Variants in NAA25 observed in about 807,000 individuals in gnomAD.
NAA25 encodes N-terminal acetyltransferase B complex subunit NAA25.
A neutral mutation model predicts 132.5 loss-of-function variants in NAA25; 30 were observed. The observed-to-expected ratio is 0.23, with a 90% confidence interval of 0.17 to 0.31. NAA25 has a LOEUF of 0.31. Ranked by LOEUF, NAA25 falls within the 10% of genes least tolerant of loss-of-function variation. The probability of loss-of-function intolerance (pLI) is 1.00; values close to 1 mark genes in which losing one functional copy is unlikely to be tolerated. For synonymous variants in NAA25, 359 were observed against 401.9 expected (o/e 0.89, Z 1.28); for missense variants, 771 against 1,150.4 (o/e 0.67, Z 4.77).
At chr12:112,057,238 AAT>A (rs1324429831) in intron 13 of NAA25, among the ~76,000 whole-genome samples, 3 of 152,124 alleles carry the variant, frequency 2.0e-5, no homozygotes, top group Non-Finnish European at 2.9e-5. Context: ...AATAAAATAA[AAT>A]AGTTTAATTT....
At chr12:112,037,891 C>T (rs536824668) in intron 22 of NAA25, among the ~76,000 whole-genome samples, 1 of 151,768 alleles carries the variant, frequency 6.6e-6, no homozygotes, top group Admixed American at 6.6e-5. Flanking sequence ...GTTAAGGAAG[C>T]GTTCTAGATT....
rs2078434235 is a variant in NAA25 at position 112,049,715 on chromosome 12, A to G, written c.1729-1272T>C. On this transcript the variant is annotated intron_variant, in intron 15 of 23. Coordinates refer to ENST00000261745, the MANE Select transcript of NAA25 (RefSeq NM_024953.4). The surrounding 1 kb of genome is among the most constrained non-coding windows in gnomAD (Gnocchi z 4.7). ...CTGAAAAAGCTCGAGTATACCTTCT[A>G]GCTTGATTAAAGGACAGTGATACAC... 3 of 846,724 alleles carry G rather than the reference A, an allele frequency of 3.5e-6. No individual in the cohort carries two copies. The African/African-American group carries it at 5.5e-5, about 16-fold the overall frequency. 52.5% of individuals were successfully genotyped at this position (846,724 alleles called of 1,614,324 possible).
intron 19 of NAA25, among the ~76,000 whole-genome samples, chr12:112,042,620 C>T (rs1294332878): frequency 1.3e-5 from 2 of 152,072 alleles, no homozygotes; most frequent in Non-Finnish European, 2.9e-5. Flanking sequence ...GATTCTCCTG[C>T]CTCAACCTCT....
intron 3 of NAA25, chr12:112,090,456 C>T (rs2136926898): frequency 1.0e-5 from 3 of 293,892 alleles, no homozygotes; most frequent in Non-Finnish European, 1.2e-5. Context: ...TGAAATTTTC[C>T]ATATTAAAAA....
chr12:112,046,119 G>A (rs1047781004), intron 17 of NAA25, among the ~76,000 whole-genome samples: 3 of 152,180 alleles, frequency 2.0e-5, no homozygotes, highest in Non-Finnish European at 2.9e-5. Flanking sequence ...GACTCGCTGT[G>A]CCTAGATTGT....
intron 11 of NAA25, among the ~76,000 whole-genome samples, chr12:112,061,770 TA>T (rs569737632): frequency 5.3e-5 from 8 of 151,514 alleles, no homozygotes; most frequent in Non-Finnish European, 1.2e-4. Context: ...ACCAAAAAAT[TA>T]AAAAAAAATT....
chr12:112,054,337 C>T (rs549077102), intron 14 of NAA25, 51 bp downstream of exon 14: 33 of 1,508,308 alleles, frequency 2.2e-5, no homozygotes, highest in African/African-American at 4.1e-5. Flanking sequence ...GTCCTGTGTA[C>T]CCCACACTGG....
intron 1 of NAA25, among the ~76,000 whole-genome samples, chr12:112,107,776 G>A (rs1260454422): frequency 6.6e-6 from 1 of 152,074 alleles, no homozygotes; most frequent in Non-Finnish European, 1.5e-5. Context: ...AAGTGAGATA[G>A]ACCAAGACCA....
chr12:112,041,765 T>C (rs576197255), intron 20 of NAA25, among the ~76,000 whole-genome samples: 2 of 152,244 alleles, frequency 1.3e-5, no homozygotes, highest in East Asian at 3.9e-4. Context: ...AAATGGGGTA[T>C]ATATAACTGA....
In NAA25 at chr12:112,088,126, GC is replaced by G. The variant is rs548209698; in HGVS notation, c.284-326del. Among the ~76,000 whole-genome samples, 420 of 152,186 alleles carry G rather than the reference GC, an allele frequency of 2.8e-3. 2 individuals carry two copies. Among genetic ancestry groups the G allele is most frequent in the Non-Finnish European group, 4.9e-3 (331 of 68,028 alleles). On this transcript the variant is annotated intron_variant, in intron 3 of 23. Transcript: ENST00000261745. ...TGGGATGTATCATACATAACTCTAT[GC>G]CTCTAAACTCTTCGCTCTGCCTGAA... is the stretch of plus-strand genomic sequence containing the variant.
At chr12:112,102,381 GA>G (rs35823628) in intron 1 of NAA25, among the ~76,000 whole-genome samples, 23 of 139,226 alleles carry the variant, frequency 1.7e-4, no homozygotes, top group South Asian at 4.5e-4. Flanking sequence ...TCCAAAAACA[GA>G]AAAAAAAAAA....
At chr12:112,035,784 C>A (rs1024181043) in intron 22 of NAA25, among the ~76,000 whole-genome samples, 11 of 151,384 alleles carry the variant, frequency 7.3e-5, no homozygotes, top group Non-Finnish European at 1.6e-4. Flanking sequence ...CTCTGGTGAT[C>A]CTCCTGCTTC....
chr12:112,078,067 A>G, intron 7 of NAA25, 121 bp downstream of exon 7: 1 of 679,256 alleles, frequency 1.5e-6, no homozygotes, highest in Non-Finnish European at 2.5e-6. Context: ...CTGGAAGAAT[A>G]TAACAAAATG....
chr12:112,105,805 G>C (rs534704318), intron 1 of NAA25, among the ~76,000 whole-genome samples: 6 of 152,298 alleles, frequency 3.9e-5, no homozygotes, highest in East Asian at 1.9e-4. Flanking sequence ...TCTACAACTT[G>C]GTAGCTACAA....
chr12:112,090,398 G>C (rs1051471355), intron 3 of NAA25: 10 of 191,642 alleles, frequency 5.2e-5, no homozygotes, highest in Non-Finnish European at 1.1e-4. Context: ...GCTGAAGGTG[G>C]ATAATGAGAA....
At chr12:112,059,089 A>C (rs1183175213) in intron 13 of NAA25, among the ~76,000 whole-genome samples, 1 of 60,596 alleles carries the variant, frequency 1.7e-5, no homozygotes, top group Non-Finnish European at 2.7e-5. Context: ...AAAAAAAAAA[A>C]AAAAAAAAAA....
chr12:112,029,670 A>G lies in NAA25; in HGVS notation c.2797-17T>C. The G allele has an allele frequency of 6.2e-7, 1 of 1,608,266 alleles. No homozygotes were observed. The highest frequency in any genetic ancestry group is 8.5e-7 in the Non-Finnish European group (1 of 1,178,644). ...TCTCTCTTCCTATAAAGGAGGAGAC[A>G]AGAATAATTAGTCTTGTTTAAAAAC... On this transcript the variant is annotated splice_polypyrimidine_tract_variant and intron_variant, in intron 23 of 23. Transcript: ENST00000261745.
intron 19 of NAA25, 100 bp from the exon 20 acceptor site, chr12:112,042,204 T>C (rs1375472437): frequency 3.8e-6 from 2 of 525,518 alleles, no homozygotes; most frequent in Non-Finnish European, 6.3e-6. Context: ...GCAAGGACAT[T>C]TTCTTCTCTC....
At chr12:112,047,893 G>C (rs2078411051) in intron 16 of NAA25, 103 bp from the exon 17 acceptor site, 3 of 1,207,588 alleles carry the variant, frequency 2.5e-6, no homozygotes, top group South Asian at 3.3e-5. Context: ...GAAAGAGGAA[G>C]GAAGGGCTCA....
Sources: allele counts gnomAD v4.1 joint callset (sites outside exome capture counted in the v4.1 genomes callset), GRCh38; gene constraint gnomAD v4.1.1; non-coding constraint Gnocchi (gnomAD v3.1); transcripts MANE v1.5; gene names NCBI Gene and HGNC (gene_info 2026-07-23, HGNC 2026-07-21).